FGF14: variants seen among roughly 807,000 people sequenced by gnomAD.
The protein encoded by FGF14 is fibroblast growth factor 14.
A neutral mutation model predicts 25.5 loss-of-function variants in FGF14; 5 were observed. That is an observed-to-expected ratio of 0.20 (90% CI 0.10 to 0.41). The LOEUF (loss-of-function observed/expected upper bound fraction) is 0.41. Among genes scored for constraint, FGF14 ranks in the 10% least tolerant of loss-of-function variants. FGF14 has a pLI of 1.00. For missense variants in FGF14, 222 were observed against 320.1 expected, an observed-to-expected ratio of 0.69 and a Z score of 2.34; for synonymous variants, 138 against 118.3, an observed-to-expected ratio of 1.17 and a Z score of -1.08.
chr13:102,249,890 C>T (rs79709133), intron 1 of FGF14, among the ~76,000 whole-genome samples: 46 of 152,234 alleles, frequency 3.0e-4, no homozygotes, highest in Non-Finnish European at 6.0e-4. Context: ...CTCATGGACT[C>T]TAGAACCAAT....
intron 3 of FGF14, among the ~76,000 whole-genome samples, chr13:101,728,501 A>T (rs544546552): frequency 6.6e-6 from 1 of 152,176 alleles, no homozygotes. Context: ...CCGAAAAAAA[A>T]GATTGATAAA....
intron 3 of FGF14, among the ~76,000 whole-genome samples, chr13:101,848,566 A>T (rs2043586249): frequency 6.6e-6 from 1 of 152,070 alleles, no homozygotes; most frequent in Admixed American, 6.6e-5. Context: ...ATGATTGGTA[A>T]ATCCAGGAAC....
intron 1 of FGF14, among the ~76,000 whole-genome samples, chr13:102,347,638 C>T (rs1286317893): frequency 6.6e-6 from 1 of 152,164 alleles, no homozygotes; most frequent in South Asian, 2.1e-4. Flanking sequence ...ATCCCAACTG[C>T]CCTGGCCATG....
At chr13:101,768,705 A>C (rs1298188436) in intron 3 of FGF14, among the ~76,000 whole-genome samples, 1 of 152,186 alleles carries the variant, frequency 6.6e-6, no homozygotes, top group African/African-American at 2.4e-5. Context: ...GAACAAAAGC[A>C]ATACAATAAA....
At chr13:102,053,044 A>C (rs2042284205) in intron 1 of FGF14, among the ~76,000 whole-genome samples, 1 of 152,126 alleles carries the variant, frequency 6.6e-6, no homozygotes, top group African/African-American at 2.4e-5. Flanking sequence ...CCACAAAGCA[A>C]AAACCAATAG....
intron 1 of FGF14, among the ~76,000 whole-genome samples, chr13:102,307,235 T>C (rs903369831): frequency 6.6e-6 from 1 of 152,062 alleles, no homozygotes; most frequent in Non-Finnish European, 1.5e-5. Flanking sequence ...TTTTCCAACA[T>C]CCAAGTGAGC....
At chr13:101,855,737 A>G (rs1378490055) in intron 3 of FGF14, among the ~76,000 whole-genome samples, 3 of 151,986 alleles carry the variant, frequency 2.0e-5, no homozygotes, top group African/African-American at 7.2e-5. Flanking sequence ...AAAGTAAAAT[A>G]AAGACTGGCT....
At chr13:101,803,491 CATCA>C (rs1415416126) in intron 3 of FGF14, among the ~76,000 whole-genome samples, 2 of 152,132 alleles carry the variant, frequency 1.3e-5, no homozygotes, top group African/African-American at 2.4e-5. Context: ...AGAGCCACTG[CATCA>C]ATCAAAGTTC....
intron 1 of FGF14, among the ~76,000 whole-genome samples, chr13:102,335,004 T>C (rs542704198): frequency 1.3e-5 from 2 of 152,104 alleles, no homozygotes; most frequent in Non-Finnish European, 2.9e-5. Flanking sequence ...CATTGTCACA[T>C]CTTCTGCTTT....
intron 1 of FGF14, among the ~76,000 whole-genome samples, chr13:102,305,786 A>G (rs2055340287): frequency 6.6e-6 from 1 of 152,154 alleles, no homozygotes; most frequent in African/African-American, 2.4e-5. Flanking sequence ...ATATTGAAGT[A>G]AACAGATGAA....
intron 1 of FGF14, among the ~76,000 whole-genome samples, chr13:102,142,311 T>C (rs137992095): frequency 5.9e-5 from 9 of 152,196 alleles, no homozygotes; most frequent in Middle Eastern, 3.4e-3. Context: ...AAATAGGATA[T>C]GATTTGGTTG....
chr13:102,088,019 C>T (rs995878113), intron 1 of FGF14, among the ~76,000 whole-genome samples: 1 of 152,186 alleles, frequency 6.6e-6, no homozygotes, highest in Admixed American at 6.5e-5. Context: ...ATGGTGGTTA[C>T]TTAACTTTGC....
intron 1 of FGF14, among the ~76,000 whole-genome samples, chr13:102,244,801 T>G (rs2051779164): frequency 6.6e-6 from 1 of 152,028 alleles, no homozygotes; most frequent in Admixed American, 6.6e-5. Flanking sequence ...GGATGGCCTC[T>G]TGTATCCTAG....
At chr13:101,735,781 A>G (rs931156127) in intron 3 of FGF14, among the ~76,000 whole-genome samples, 7 of 152,172 alleles carry the variant, frequency 4.6e-5, no homozygotes, top group African/African-American at 1.4e-4. Context: ...TCTAAGATCA[A>G]ACATGTTTGG....
At chr13:102,161,573 GAA>G (rs377102698) in intron 1 of FGF14, among the ~76,000 whole-genome samples, 89 of 5,378 alleles carry the variant, frequency 0.017, 1 homozygote, top group South Asian at 0.025. Context: ...TGTGAAGAAA[GAA>G]AGAAGAAGAA....
intron 3 of FGF14, among the ~76,000 whole-genome samples, chr13:101,734,366 G>C (rs2036029003): frequency 6.6e-6 from 1 of 151,998 alleles, no homozygotes; most frequent in African/African-American, 2.4e-5. Flanking sequence ...AAAATCTGTG[G>C]TATTTACAAT....
chr13:101,883,837 C>T (rs963080724), intron 1 of FGF14, among the ~76,000 whole-genome samples: 6 of 151,696 alleles, frequency 4.0e-5, no homozygotes, highest in Admixed American at 2.0e-4. Context: ...CAGAGGCTGG[C>T]GGATCACCTG....
intron 3 of FGF14, among the ~76,000 whole-genome samples, chr13:101,735,113 G>A (rs1382060121): frequency 1.3e-5 from 2 of 152,116 alleles, no homozygotes; most frequent in Non-Finnish European, 2.9e-5. Context: ...AGCAGAGCCA[G>A]GTTGATTCAA....
chr13:102,260,320 G>A (rs1320650132), intron 1 of FGF14, among the ~76,000 whole-genome samples: 5 of 152,168 alleles, frequency 3.3e-5, no homozygotes, highest in African/African-American at 1.2e-4. Flanking sequence ...ACTGATCTTG[G>A]AAACCCAACC....
Sources: gnomAD v4.1 joint callset for allele counts (sites outside exome capture counted in the v4.1 genomes callset) on GRCh38, gnomAD v4.1.1 for gene constraint, MANE v1.5 for transcripts, NCBI Gene and HGNC (gene_info 2026-07-23, HGNC 2026-07-21) for gene names.